SYNE2: variants seen among roughly 807,000 people sequenced by gnomAD.
The protein encoded by SYNE2 is nesprin-2.
A neutral mutation model predicts 856.3 loss-of-function variants in SYNE2; 431 were observed. The observed-to-expected ratio is 0.50, with a 90% CI of 0.47 to 0.55. The LOEUF (loss-of-function observed/expected upper bound fraction) is 0.55, where lower values mean the gene tolerates loss of function less well. SYNE2 is among the 20% of genes least tolerant of loss of function. SYNE2 has a pLI of 0.00. For synonymous variants in SYNE2, 2,923 were observed against 2,872.3 expected, an observed-to-expected ratio of 1.02 and a Z score of -0.56; for missense variants, 8,129 against 8,023.2, an observed-to-expected ratio of 1.01 and a Z score of -0.50.
intron 1 of SYNE2, among the ~76,000 whole-genome samples, chr14:63,823,481 T>G (rs1284457867): frequency 6.6e-6 from 1 of 151,870 alleles, no homozygotes; most frequent in African/African-American, 2.4e-5. Flanking sequence ...CCAGCCCAAG[T>G]CTACCAAATT....
rs536145951 is a variant in SYNE2, at chr14:64,109,202, A to G, written c.12609+1595A>G. On this transcript the variant is annotated intron_variant, in intron 65 of 115. Coordinates refer to ENST00000555002, the MANE Select transcript of SYNE2 (RefSeq NM_182914.3). ...TTTAGCTACAGTAGCCATTCTGCTTAATATTGTTTCTGCTGGTGTGGATAA... is the reference window on the plus strand; with the variant it reads ...TTTAGCTACAGTAGCCATTCTGCTTGATATTGTTTCTGCTGGTGTGGATAA... 7.1e-4 allele frequency among the ~76,000 whole-genome samples: 107 copies of G among 151,538 alleles called. No individual in the cohort carries two copies. In the Middle Eastern group the frequency reaches 0.017, roughly 24 times the overall value.
At chr14:63,878,886 C>G (rs1215634274) in intron 1 of SYNE2, among the ~76,000 whole-genome samples, 1 of 152,202 alleles carries the variant, frequency 6.6e-6, no homozygotes, top group East Asian at 1.9e-4. Flanking sequence ...AGAAAAAAAT[C>G]TAGGCATAAC....
chr14:64,119,627 A>G lies in SYNE2; in HGVS notation c.13023+18A>G, dbSNP rs147292814. On this transcript the variant is annotated intron_variant, in intron 67 of 115. Coordinates refer to ENST00000555002, the MANE Select transcript of SYNE2 (RefSeq NM_182914.3). ...AAGATCAGGTAAAAAATGACTATCT[A>G]TGGACATTCATCTTGATACACATAT... is the stretch of plus-strand genomic sequence containing the variant. The G allele has an allele frequency of 1.3e-3, 2,137 of 1,613,294 alleles. 32 individuals are homozygous for G. In the African/African-American group the frequency reaches 0.025, roughly 19 times the overall value.
chr14:63,902,945 TG>T (rs1178485058), intron 1 of SYNE2, among the ~76,000 whole-genome samples: 1 of 152,160 alleles, frequency 6.6e-6, no homozygotes, highest in East Asian at 1.9e-4. Flanking sequence ...TCCTAAGTGC[TG>T]GGATTACAGG....
At chr14:63,794,676 A>G (rs569013102) in intron 1 of SYNE2, among the ~76,000 whole-genome samples, 21 of 152,230 alleles carry the variant, frequency 1.4e-4, no homozygotes, top group Non-Finnish European at 2.8e-4. Context: ...ATCATGAACT[A>G]TTAGAGAAAT....
At chr14:64,191,179 A>AT (rs1427186099) in intron 99 of SYNE2, 3 of 336,962 alleles carry the variant, frequency 8.9e-6, no homozygotes, top group Non-Finnish European at 1.6e-5. Flanking sequence ...TATTATTTAA[A>AT]TTATTATTTA....
chr14:63,802,461 C>G (rs1427200473), intron 1 of SYNE2, among the ~76,000 whole-genome samples: 1 of 152,056 alleles, frequency 6.6e-6, no homozygotes, highest in Non-Finnish European at 1.5e-5. Flanking sequence ...TCCCTTATGT[C>G]AGATGAGACA....
At chr14:64,146,007 A>G in intron 83 of SYNE2, 61 bp from the exon 84 acceptor site, 1 of 1,230,286 alleles carries the variant, frequency 8.1e-7, no homozygotes, top group Non-Finnish European at 1.1e-6. Context: ...AAATAACGTC[A>G]TGGCATTTAC....
At chr14:64,203,430 T>C (rs2098587818) in intron 100 of SYNE2, among the ~76,000 whole-genome samples, 3 of 152,326 alleles carry the variant, frequency 2.0e-5, no homozygotes, top group Non-Finnish European at 2.9e-5. Flanking sequence ...TTAGGAAGCC[T>C]CTTAAGAGCT....
upstream of SYNE2, chr14:63,848,469 T>C (rs1890303955): frequency 6.6e-6 from 1 of 152,226 alleles, no homozygotes; most frequent in Non-Finnish European, 1.5e-5. Context: ...TTAATGTCTC[T>C]TATTTTTATT....
At chr14:63,948,127 A>G (rs1200154802) in intron 6 of SYNE2, among the ~76,000 whole-genome samples, 1 of 149,530 alleles carries the variant, frequency 6.7e-6, no homozygotes, top group African/African-American at 2.5e-5. Context: ...CAGTTTTCAC[A>G]CGTGTGCGTG....
chr14:63,886,472 T>G (rs1056744517), intron 1 of SYNE2, among the ~76,000 whole-genome samples: 7 of 152,100 alleles, frequency 4.6e-5, no homozygotes, highest in Non-Finnish European at 5.9e-5. Flanking sequence ...TTTTAAGAGG[T>G]AGGTAAAACA....
intron 2 of SYNE2, among the ~76,000 whole-genome samples, chr14:63,926,211 A>G (rs972150517): frequency 9.4e-5 from 14 of 148,950 alleles, no homozygotes; most frequent in African/African-American, 3.0e-4. Context: ...CCCCTCCCCA[A>G]TCCCACCCCC....
At position 64,137,877 on chromosome 14, in the gene SYNE2, G is replaced by A. The variant is rs12881815; in HGVS notation, c.14737G>A (p.Glu4913Lys). ...GTTGGTGGCGTCTGTGAGCTGTCCT[G>A]AATTAGAGGGCCAGATCGCAAAACT... is the stretch of plus-strand genomic sequence containing the variant. ...KQLVASVSCP[E>K]LEGQIAKLEE... The change falls in exon 79 of 116, where the codon GAA (glutamate) becomes AAA (lysine). Residue 4913 changes from glutamate (E) to lysine (K), a missense_variant. By Grantham distance (56) the Glu-to-Lys change is moderately conservative. Coordinates refer to ENST00000555002, the MANE Select transcript of SYNE2 (RefSeq NM_182914.3). 0.049 allele frequency: 78,542 copies of A among 1,614,142 alleles called. 2,238 individuals carry two copies. Among genetic ancestry groups the A allele is most frequent in the Admixed American group, 0.08 (4,826 of 60,016 alleles).
chr14:64,062,486 A>T (rs906486522), intron 49 of SYNE2, among the ~76,000 whole-genome samples: 2 of 152,156 alleles, frequency 1.3e-5, no homozygotes, highest in Admixed American at 1.3e-4. Context: ...TTTTCATTTT[A>T]CTGAAGTGAA....
At chr14:63,836,287 G>A (rs1889858028) in intron 1 of SYNE2, among the ~76,000 whole-genome samples, 1 of 152,114 alleles carries the variant, frequency 6.6e-6, no homozygotes, top group African/African-American at 2.4e-5. Flanking sequence ...ACTTCCCAAA[G>A]TGCTGGGATT....
chr14:64,024,574 A>G, intron 39 of SYNE2, 115 bp downstream of exon 39: 1 of 1,017,814 alleles, frequency 9.8e-7, no homozygotes, highest in Non-Finnish European at 1.5e-6. Context: ...TCACACACAA[A>G]AGGCGTACTT....
At chr14:64,035,975 A>AT (rs2097086230) in intron 45 of SYNE2, among the ~76,000 whole-genome samples, 2 of 151,326 alleles carry the variant, frequency 1.3e-5, no homozygotes, top group Admixed American at 1.3e-4. Flanking sequence ...TTCATTTTAC[A>AT]AAATGTGGTA....
Position 64,052,119 on chromosome 14 carries a change from A to G in SYNE2, c.8206A>G (p.Met2736Val), listed in dbSNP as rs1284251616. Reference sequence around the variant, plus strand: ...TAAGAAGTGTGACATAAGGAACAAGATGAAAGAGACTATCTTATGGGCCAA... The same window carrying G: ...TAAGAAGTGTGACATAAGGAACAAGGTGAAAGAGACTATCTTATGGGCCAA... ...QIKKCDIRNK[M>V]KETILWAKNL... The change falls in exon 48 of 116, where the codon ATG becomes GTG. Residue 2736 changes from methionine to valine, a missense_variant. Physicochemically the swap from Met to Val is conservative, Grantham distance 21. This residue lies in a region of SYNE2 where 5,410 missense variants were observed against 5,284.8 expected (regional missense o/e 1.02). Coordinates refer to ENST00000555002, the MANE Select transcript of SYNE2 (RefSeq NM_182914.3). The G allele has an allele frequency of 6.2e-7, 1 of 1,614,194 alleles. No individual in the cohort carries two copies. Among genetic ancestry groups the G allele is most frequent in the Non-Finnish European group, 8.5e-7 (1 of 1,180,036 alleles).
Sources: allele counts gnomAD v4.1 joint callset (sites outside exome capture counted in the v4.1 genomes callset), GRCh38; gene constraint gnomAD v4.1.1; regional missense constraint gnomAD v4.1.1; transcripts MANE v1.5; gene names NCBI Gene and HGNC (gene_info 2026-07-23, HGNC 2026-07-21).